The following DDR1 variants were observed in gnomAD, a reference collection of about 807,000 sequenced individuals.
DDR1 encodes discoidin domain receptor tyrosine kinase 1.
In DDR1, 64 loss-of-function variants were observed where a neutral mutation model predicts 97.4. That is an observed-to-expected ratio of 0.66 (90% CI 0.54 to 0.81). The LOEUF (loss-of-function observed/expected upper bound fraction) is 0.81, where lower values mean the gene tolerates loss of function less well. Among genes scored for constraint, DDR1 ranks in the 30% least tolerant of loss-of-function variants. The pLI is 0.00. For missense variants in DDR1, 990 were observed against 1,259.6 expected, an observed-to-expected ratio of 0.79 and a Z score of 3.24; for synonymous variants, 458 against 503.7, an observed-to-expected ratio of 0.91 and a Z score of 1.21.
Position 30,894,249 on chromosome 6 carries a change from A to G in DDR1, c.1348-257A>G, listed in dbSNP as rs1789814052. Among the ~76,000 whole-genome samples the G allele has an allele frequency of 6.6e-6, 1 of 152,118 alleles. No homozygotes were observed. On this transcript the variant is annotated intron_variant, in intron 10 of 17. Transcript: ENST00000376568. The surrounding 1 kb of genome is among the most constrained non-coding windows in gnomAD (Gnocchi z 5.7). ...GCGACAAGAGCAAAATTCCATCTCAAAAAAACAAACAAACAAAAAAAAAAC... is the reference window on the plus strand; with the variant it reads ...GCGACAAGAGCAAAATTCCATCTCAGAAAAACAAACAAACAAAAAAAAAAC...
At position 30,889,700 on chromosome 6, in the gene DDR1, T is replaced by C. The variant is rs577888334; in HGVS notation, c.417+270T>C. On this transcript the variant is annotated intron_variant, in intron 4 of 17. Transcript: ENST00000376568. This position sits in a 1 kb window ranked among gnomAD's most constrained non-coding sequence, Gnocchi z 4.9. ...GCTCAGTGATCCTCCCACCTTAGCC[T>C]CCCAAAGTGCTGGGATTACAAGCAC... Among the ~76,000 whole-genome samples the C allele has an allele frequency of 6.6e-6, 1 of 151,706 alleles. No individual in the cohort carries two copies. Among genetic ancestry groups the C allele is most frequent in the African/African-American group, 2.4e-5 (1 of 41,340 alleles).
chr6:30,894,538 G>A lies in DDR1; in HGVS notation c.1380G>A (p.Thr460=), dbSNP rs920330368. ...AERRVLEEEL[T]VHLSVPGDTI... ...GGAGGGTGTTGGAAGAGGAGCTGAC[G>A]GTTCACCTCTCTGTCCCTGGGGACA... The change falls in exon 11 of 18, where the codon ACG becomes ACA. Residue 460 remains threonine (T), a synonymous_variant. Coordinates refer to ENST00000376568, the MANE Select transcript of DDR1 (RefSeq NM_001297654.2). The surrounding 1 kb of genome is among the most constrained non-coding windows in gnomAD (Gnocchi z 5.7). 8 of 1,612,138 alleles carry A rather than the reference G, an allele frequency of 5.0e-6. No individual in the cohort carries two copies. The highest frequency in any genetic ancestry group is 1.1e-5 in the South Asian group (1 of 90,778).
chr6:30,896,788 G>T lies in DDR1; in HGVS notation c.1792G>T (p.Asp598Tyr). 2 of 1,585,634 alleles carry T rather than the reference G, an allele frequency of 1.3e-6. No individual in the cohort carries two copies. Among genetic ancestry groups the T allele is most frequent in the Non-Finnish European group, 1.7e-6 (2 of 1,164,140 alleles). Residue 598 changes from aspartate (D) to tyrosine (Y), a missense_variant, in exon 13 of 18, where the codon GAT (aspartate) becomes TAT (tyrosine). Transcript: ENST00000376568. ...TGCACTGCCCCCAGGGGCAGTCGGG[G>T]ATGGGCCCCCCAGAGTGGATTTCCC... The part of the protein sequence containing the change: ...VPALPPGAVG[D>Y]GPPRVDFPRS...
Position 30,892,548 on chromosome 6 carries a change from C to G in DDR1, c.1099+6C>G. The G allele has an allele frequency of 6.4e-7, 1 of 1,571,888 alleles. No homozygotes were observed. Reference sequence around the variant, plus strand: ...CGAAATCTCCTTCATCTCTGGTAAGCCCTGGAGTAGCCCAGTCTCCAGTCC... The same window carrying G: ...CGAAATCTCCTTCATCTCTGGTAAGGCCTGGAGTAGCCCAGTCTCCAGTCC... On this transcript the variant is annotated splice_donor_region_variant and intron_variant, in intron 8 of 17. Transcript: ENST00000376568.
At chr6:30,898,703 A>C (rs1791841835) in intron 16 of DDR1, among the ~76,000 whole-genome samples, 185 bp from the exon 17 acceptor site, 1 of 152,026 alleles carries the variant, frequency 6.6e-6, no homozygotes, top group African/African-American at 2.4e-5. Flanking sequence ...CATGGAGAGG[A>C]AAGGCAGAGC....
rs1184611367 is a variant in DDR1 at position 30,896,850 on chromosome 6, G to C, written c.1854G>C (p.Glu618Asp). The C allele has an allele frequency of 6.3e-7, 1 of 1,581,404 alleles. No homozygotes were observed. Among genetic ancestry groups the C allele is most frequent in the Non-Finnish European group, 8.6e-7 (1 of 1,161,248 alleles). ...SRLRFKEKLG[E>D]GQFGEVHLCE... ...TCCGCTTCAAGGAGAAGCTTGGCGA[G>C]GGCCAGTTTGGGGAGGTAAGGAGGG... is the stretch of plus-strand genomic sequence containing the variant. Residue 618 changes from glutamate to aspartate, a missense_variant, in exon 13 of 18, where the codon GAG becomes GAC. Transcript: ENST00000376568.
chr6:30,893,985 C>T (rs1789675020), intron 10 of DDR1, among the ~76,000 whole-genome samples: 1 of 152,168 alleles, frequency 6.6e-6, no homozygotes, highest in Non-Finnish European at 1.5e-5. Flanking sequence ...CACGGTGGCT[C>T]ATGCCTGTAA....
At chr6:30,896,911 A>T in intron 13 of DDR1, 46 bp downstream of exon 13, 1 of 1,562,256 alleles carries the variant, frequency 6.4e-7, no homozygotes, top group Non-Finnish European at 8.7e-7. Flanking sequence ...GTGTGCTCTG[A>T]TGCCATGCCT....
intron 12 of DDR1, 22 bp from the exon 13 acceptor site, chr6:30,896,599 T>G (rs1013964609): frequency 6.2e-7 from 1 of 1,606,064 alleles, no homozygotes; most frequent in Non-Finnish European, 8.5e-7. Flanking sequence ...TCGTCCTGTC[T>G]TCTTTCCCCT....
chr6:30,892,713 T>G, intron 8 of DDR1, 171 bp downstream of exon 8: 1 of 816,684 alleles, frequency 1.2e-6, no homozygotes, highest in Non-Finnish European at 1.8e-6. Flanking sequence ...CTGCCTCTTG[T>G]TCTCTGCGTA....
chr6:30,899,677 G>C lies in DDR1; in HGVS notation c.*381G>C, dbSNP rs1358368128. On this transcript the variant is annotated 3_prime_UTR_variant, in exon 18 of 18. Transcript: ENST00000376568. ...ACTGGACAACACTGATTCCTGGAGA[G>C]GTGGCTGCGCCCCCAGCTTCTCTCT... The C allele has an allele frequency of 5.5e-6, 2 of 365,372 alleles. No homozygotes were observed. The highest frequency in any genetic ancestry group is 1.0e-5 in the Non-Finnish European group (2 of 200,100). The allele number at this position is 365,372 out of a possible 1,614,324, so 22.6% of individuals were successfully genotyped here.
rs892664677 is a variant in DDR1 at position 30,899,566 on chromosome 6, C to T, written c.*270C>T. The T allele has an allele frequency of 9.2e-6, 5 of 542,916 alleles. No homozygotes were observed. In the South Asian group the frequency reaches 1.3e-4, roughly 15 times the overall value. 33.6% of individuals were successfully genotyped at this position (542,916 alleles called of 1,614,324 possible). ...CTGGTCCTGTGGATGGGATCCTCTC[C>T]ACCCTCCTCTAGCCATCCCTTGGGG... On this transcript the variant is annotated 3_prime_UTR_variant, in exon 18 of 18. Coordinates refer to ENST00000376568, the MANE Select transcript of DDR1 (RefSeq NM_001297654.2).
chr6:30,881,484 C>G (rs1401586058), upstream of DDR1: 1 of 152,842 alleles, frequency 6.5e-6, no homozygotes, highest in African/African-American at 2.4e-5. Context: ...ACTCTGCGCC[C>G]CAGTCTCCCT....
chr6:30,881,664 A>T (rs1200423955), upstream of DDR1, among the ~76,000 whole-genome samples: 1 of 151,930 alleles, frequency 6.6e-6, no homozygotes, highest in Admixed American at 6.6e-5. Flanking sequence ...CAGTTCCTTC[A>T]TCCAGTTCAG....
chr6:30,899,305 T>G lies in DDR1; in HGVS notation c.*9T>G. 1 of 1,601,510 alleles carries G rather than the reference T, an allele frequency of 6.2e-7. No individual in the cohort carries two copies. On this transcript the variant is annotated 3_prime_UTR_variant, in exon 18 of 18. Coordinates refer to ENST00000376568, the MANE Select transcript of DDR1 (RefSeq NM_001297654.2). ...CACTCAACACGGTGTGAATCACACA[T>G]CCAGCTGCCCCTCCCTCAGGGAGCG... is the stretch of plus-strand genomic sequence containing the variant.
intron 11 of DDR1, among the ~76,000 whole-genome samples, chr6:30,895,057 A>G (rs768807057): frequency 6.6e-6 from 1 of 151,970 alleles, no homozygotes; most frequent in Non-Finnish European, 1.5e-5. Context: ...ATCTTCCATC[A>G]TCTGTCTTTC....
rs1469806470 is a variant in DDR1, at chr6:30,899,478, C to G, written c.*182C>G. 12 of 683,448 alleles carry G rather than the reference C, an allele frequency of 1.8e-5. No individual in the cohort carries two copies. Among genetic ancestry groups the G allele is most frequent in the South Asian group, 6.3e-5 (3 of 47,960 alleles). 42.3% of individuals were successfully genotyped at this position (683,448 alleles called of 1,614,324 possible). On this transcript the variant is annotated 3_prime_UTR_variant, in exon 18 of 18. Coordinates refer to ENST00000376568, the MANE Select transcript of DDR1 (RefSeq NM_001297654.2). ...GGAGCTGATGCCCCTTCTCCCCTTCCTGGACACACTCTCATGTCCCCTTCC... is the reference window on the plus strand; with the variant it reads ...GGAGCTGATGCCCCTTCTCCCCTTCGTGGACACACTCTCATGTCCCCTTCC...
Position 30,900,053 on chromosome 6 carries a change from TGG to T in DDR1, c.*762_*763del. The T allele has an allele frequency of 1.7e-6, 1 of 596,576 alleles. No individual in the cohort carries two copies. The highest frequency in any genetic ancestry group is 3.2e-6 in the Non-Finnish European group (1 of 307,778). The allele number at this position is 596,576 out of a possible 1,614,324, so 37.0% of individuals were successfully genotyped here. On this transcript the variant is annotated 3_prime_UTR_variant, in exon 18 of 18. Transcript: ENST00000376568. ...TAATCACTTGGGGTTTGTACATTTTTGGGGGGAGAGACACAGATTTTTACACT... is the reference window on the plus strand; with the variant it reads ...TAATCACTTGGGGTTTGTACATTTTTGGGGAGAGACACAGATTTTTACACT...
intron 1 of DDR1, chr6:30,885,322 C>T: frequency 6.8e-7 from 1 of 1,480,680 alleles, no homozygotes. Flanking sequence ...AGGCAGGCGC[C>T]CAAGCTCGCT....
Sources: gnomAD v4.1 joint callset for allele counts (sites outside exome capture counted in the v4.1 genomes callset) on GRCh38, gnomAD v4.1.1 for gene constraint, Gnocchi (gnomAD v3.1) non-coding constraint, MANE v1.5 for transcripts, NCBI Gene and HGNC (gene_info 2026-07-23, HGNC 2026-07-21) for gene names.